LARGE1: variants seen among roughly 807,000 people sequenced by gnomAD.
LARGE1 encodes xylosyl- and glucuronyltransferase LARGE1.
LARGE1 carries 43 observed loss-of-function variants against 87.6 expected under a neutral mutation model. The observed-to-expected ratio is 0.49, with a 90% CI of 0.38 to 0.63. The LOEUF (loss-of-function observed/expected upper bound fraction) is 0.63. Ranked by LOEUF, LARGE1 falls within the 30% of genes least tolerant of loss-of-function variation. The pLI is 0.00. For missense variants in LARGE1, 802 were observed against 1,000.2 expected, an observed-to-expected ratio of 0.80 and a Z score of 2.67; for synonymous variants, 434 against 394.6, an observed-to-expected ratio of 1.10 and a Z score of -1.18.
At chr22:33,536,241 G>C (rs998533081) in intron 6 of LARGE1, among the ~76,000 whole-genome samples, 1 of 152,170 alleles carries the variant, frequency 6.6e-6, no homozygotes, top group Non-Finnish European at 1.5e-5. Flanking sequence ...CAGAACGAAA[G>C]GGCATGAGCA....
chr22:33,843,339 A>G (rs2063334664), intron 1 of LARGE1, among the ~76,000 whole-genome samples: 1 of 152,004 alleles, frequency 6.6e-6, no homozygotes, highest in African/African-American at 2.4e-5. Context: ...TGGGAGGCTG[A>G]GGCAGGAGAA....
At chr22:33,626,522 T>C (rs1013455371) in intron 3 of LARGE1, among the ~76,000 whole-genome samples, 196 bp from the exon 4 acceptor site, 1 of 152,184 alleles carries the variant, frequency 6.6e-6, no homozygotes, top group African/African-American at 2.4e-5. Flanking sequence ...TATGGAGCTA[T>C]TATCATTTGG....
chr22:33,733,092 C>T (rs2083528898), intron 2 of LARGE1: 1 of 152,222 alleles, frequency 6.6e-6, no homozygotes, highest in South Asian at 2.1e-4. Context: ...TCATTCATCT[C>T]GCAACAACCC....
intron 2 of LARGE1, among the ~76,000 whole-genome samples, chr22:33,741,068 A>G (rs1389552165): frequency 6.6e-6 from 1 of 152,244 alleles, no homozygotes; most frequent in African/African-American, 2.4e-5. Flanking sequence ...GCAAATGTGA[A>G]GGCTACTAGT....
chr22:33,777,681 G>A (rs1569442007), intron 1 of LARGE1, among the ~76,000 whole-genome samples: 1 of 88,264 alleles, frequency 1.1e-5, no homozygotes. Flanking sequence ...GAAGGAGAAG[G>A]AGAAGGGGAA....
chr22:33,107,280 C>T, the LARGE1 span, among the ~76,000 whole-genome samples: 2 of 142,654 alleles, frequency 1.4e-5, no homozygotes, highest in Non-Finnish European at 3.2e-5. Context: ...TTCCAAATAT[C>T]ACACTGCATG....
intron 5 of LARGE1, among the ~76,000 whole-genome samples, chr22:33,588,592 A>G (rs1253577169): frequency 1.3e-5 from 2 of 152,248 alleles, no homozygotes; most frequent in Non-Finnish European, 2.9e-5. Context: ...AAAAATGAAA[A>G]GCAAGTCCAA....
intron 2 of LARGE1, among the ~76,000 whole-genome samples, chr22:33,759,214 A>G (rs770209049): frequency 6.6e-6 from 1 of 152,136 alleles, no homozygotes; most frequent in Non-Finnish European, 1.5e-5. Context: ...TTAACTATCA[A>G]ATTCCCTTTT....
chr22:33,436,053 T>C (rs953041989), intron 6 of LARGE1, among the ~76,000 whole-genome samples: 1 of 152,172 alleles, frequency 6.6e-6, no homozygotes, highest in Non-Finnish European at 1.5e-5. Context: ...CCAGCTTCTG[T>C]GTGAAGAGGG....
At chr22:33,897,413 C>A (rs755919674) in intron 1 of LARGE1, among the ~76,000 whole-genome samples, 1 of 152,134 alleles carries the variant, frequency 6.6e-6, no homozygotes, top group African/African-American at 2.4e-5. Context: ...TAAGGGGTTC[C>A]TTCCTGTGGT....
chr22:33,411,361 C>T lies in LARGE1; in HGVS notation c.892+20800G>A, dbSNP rs566542759. Among the ~76,000 whole-genome samples, 5 of 152,312 alleles carry T rather than the reference C, an allele frequency of 3.3e-5. No individual in the cohort carries two copies. The East Asian group carries it at 9.6e-4, about 29-fold the overall frequency. The stretch of plus-strand genomic sequence containing the variant: ...ACACCTGGACCTTTTAGTCAGAGAT[C>T]ATCTGCCTAAATTGAAAAAGCTCAA... On this transcript the variant is annotated intron_variant, in intron 7 of 14. Coordinates refer to ENST00000397394, the MANE Select transcript of LARGE1 (RefSeq NM_133642.5).
At chr22:33,788,348 CT>C (rs2145962359) in intron 1 of LARGE1, among the ~76,000 whole-genome samples, 1 of 152,144 alleles carries the variant, frequency 6.6e-6, no homozygotes, top group East Asian at 1.9e-4. Flanking sequence ...ACTTATTTCC[CT>C]TATAAATTAC....
intron 6 of LARGE1, among the ~76,000 whole-genome samples, chr22:33,547,793 CAAAAAAAAAAAAAAA>C (rs57220257): frequency 2.8e-5 from 1 of 35,726 alleles, no homozygotes; most frequent in Non-Finnish European, 4.6e-5. Context: ...GACTCCATCT[CAAAAAAAAAAAAAAA>C]AAAAAAAAAA....
intron 11 of LARGE1, among the ~76,000 whole-genome samples, chr22:33,254,298 CGTT>C (rs1927150469): frequency 6.6e-6 from 1 of 152,106 alleles, no homozygotes; most frequent in Non-Finnish European, 1.5e-5. Context: ...GGATTTCCCT[CGTT>C]GGGCCTGTGT....
rs941475226 is a variant in LARGE1 at position 33,650,289 on chromosome 22, T to C, written c.408+78A>G. The stretch of plus-strand genomic sequence containing the variant: ...GCCAGCTCTTGGCATCTGGCTGTGT[T>C]TCCAGGAGGCATTTGCAAGGGGTGA... On this transcript the variant is annotated intron_variant, in intron 3 of 14. Transcript: ENST00000397394. 16 of 1,556,872 alleles carry C rather than the reference T, an allele frequency of 1.0e-5. No individual in the cohort carries two copies. In the East Asian group the frequency reaches 2.0e-4, roughly 20 times the overall value.
At chr22:33,136,189 T>C in the LARGE1 span, among the ~76,000 whole-genome samples, 1 of 152,190 alleles carries the variant, frequency 6.6e-6, no homozygotes, top group East Asian at 1.9e-4. Context: ...ATGCCAACTG[T>C]ATTAGTCTGT....
At chr22:33,415,046 A>T (rs574116718) in intron 7 of LARGE1, among the ~76,000 whole-genome samples, 1 of 152,314 alleles carries the variant, frequency 6.6e-6, no homozygotes, top group African/African-American at 2.4e-5. Context: ...CGATTCAAAC[A>T]AGAGGATCCT....
At chr22:33,351,963 T>C (rs546751563) in intron 9 of LARGE1, among the ~76,000 whole-genome samples, 1 of 152,148 alleles carries the variant, frequency 6.6e-6, no homozygotes, top group South Asian at 2.1e-4. Flanking sequence ...GGTCTAGATC[T>C]CTTGCGCTCA....
At chr22:33,302,151 A>C (rs1934235129) in intron 12 of LARGE1, among the ~76,000 whole-genome samples, 1 of 152,212 alleles carries the variant, frequency 6.6e-6, no homozygotes, top group Non-Finnish European at 1.5e-5. Context: ...GAAGCTGCCC[A>C]AGTTTCAGAA....
Sources: allele counts gnomAD v4.1 joint callset (sites outside exome capture counted in the v4.1 genomes callset), GRCh38; gene constraint gnomAD v4.1.1; transcripts MANE v1.5; gene names NCBI Gene and HGNC (gene_info 2026-07-23, HGNC 2026-07-21).